SPEF2: variants seen among roughly 807,000 people sequenced by gnomAD.
SPEF2 encodes sperm flagellar and cilia associated 2.
A neutral mutation model predicts 224.6 loss-of-function variants in SPEF2; 187 were observed. The observed-to-expected ratio is 0.83, with a 90% CI of 0.74 to 0.94. The LOEUF is 0.94. Ranked by LOEUF, SPEF2 falls within the 40% of genes least tolerant of loss-of-function variation. The pLI is 0.00. For missense variants in SPEF2, 2,170 were observed against 2,135.6 expected (o/e 1.02, Z -0.32); for synonymous variants, 715 against 707.3 (o/e 1.01, Z -0.17).
At chr5:35,804,522 A>G (rs1409874602) in intron 34 of SPEF2, among the ~76,000 whole-genome samples, 2 of 152,084 alleles carry the variant, frequency 1.3e-5, no homozygotes, top group East Asian at 3.9e-4. Context: ...TCTCTGCAGG[A>G]CCATGCCAAC....
chr5:35,640,746 A>G (rs1324122957), intron 2 of SPEF2, among the ~76,000 whole-genome samples: 1 of 152,208 alleles, frequency 6.6e-6, no homozygotes, highest in African/African-American at 2.4e-5. Flanking sequence ...TATTTATGTT[A>G]AAAGAGTTAC....
chr5:35,773,838 T>G, intron 27 of SPEF2, 55 bp from the exon 28 acceptor site: 1 of 1,559,836 alleles, frequency 6.4e-7, no homozygotes, highest in East Asian at 2.3e-5. Flanking sequence ...CCAAGTACTA[T>G]GTGCACACCT....
chr5:35,710,097 A>T, intron 19 of SPEF2: 1 of 985,314 alleles, frequency 1.0e-6, no homozygotes, highest in Non-Finnish European at 1.2e-6. Flanking sequence ...ATTAGAAATT[A>T]ACTACAGGCA....
chr5:35,787,073 A>C (rs1755253924), intron 30 of SPEF2, among the ~76,000 whole-genome samples: 1 of 152,206 alleles, frequency 6.6e-6, no homozygotes, highest in East Asian at 1.9e-4. Context: ...AGAAACTGGT[A>C]TTTGAGGACT....
rs556348466 is a variant in SPEF2 at position 35,813,101 on chromosome 5, A to T, written c.5380-1363A>T. Among the ~76,000 whole-genome samples the T allele has an allele frequency of 4.3e-4, 66 of 152,342 alleles. 1 individual carries two copies. Among genetic ancestry groups the T allele is most frequent in the Middle Eastern group, 3.4e-3 (1 of 294 alleles). ...CCTTGCTATGGAGTGTCAGATAATC[A>T]CAAGTTAGCTTATTCCTTAATCCTC... is the stretch of plus-strand genomic sequence containing the variant. On this transcript the variant is annotated intron_variant, in intron 36 of 36. Transcript: ENST00000356031.
At chr5:35,686,629 G>A (rs1753667331) in intron 10 of SPEF2, among the ~76,000 whole-genome samples, 1 of 152,124 alleles carries the variant, frequency 6.6e-6, no homozygotes, top group Non-Finnish European at 1.5e-5. Flanking sequence ...CCTCTCAATA[G>A]TGGTGAATGA....
At chr5:35,792,522 A>T in intron 31 of SPEF2, 76 bp downstream of exon 31, 1 of 1,215,508 alleles carries the variant, frequency 8.2e-7, no homozygotes, top group Non-Finnish European at 1.2e-6. Flanking sequence ...TTCTAAAATA[A>T]TGAGTACTTG....
intron 26 of SPEF2, among the ~76,000 whole-genome samples, chr5:35,768,249 A>C (rs144779056): frequency 6.6e-5 from 10 of 152,224 alleles, no homozygotes; most frequent in Admixed American, 6.5e-4. Context: ...GACAATGATG[A>C]TCATAGCAGA....
intron 23 of SPEF2, among the ~76,000 whole-genome samples, chr5:35,746,420 T>G (rs1365374440): frequency 6.6e-6 from 1 of 151,904 alleles, no homozygotes; most frequent in African/African-American, 2.4e-5. Flanking sequence ...ATCCAAAAAA[T>G]GATACAAGGA....
intron 26 of SPEF2, among the ~76,000 whole-genome samples, chr5:35,766,034 A>G (rs1008321676): frequency 6.6e-6 from 1 of 152,090 alleles, no homozygotes; most frequent in Non-Finnish European, 1.5e-5. Context: ...TTTTGTTAAT[A>G]CTTTGTTTAG....
chr5:35,718,776 T>A (rs1363487737), intron 20 of SPEF2, among the ~76,000 whole-genome samples: 1 of 152,178 alleles, frequency 6.6e-6, no homozygotes. Context: ...AATCAGCCAC[T>A]CTCAGTTTTG....
intron 10 of SPEF2, among the ~76,000 whole-genome samples, chr5:35,676,989 TCAC>T (rs1301466941): frequency 6.6e-6 from 1 of 152,120 alleles, no homozygotes; most frequent in Non-Finnish European, 1.5e-5. Flanking sequence ...TTGATCAATG[TCAC>T]CTCTAAGCTT....
chr5:35,675,010 A>C (rs2149490051), intron 10 of SPEF2, among the ~76,000 whole-genome samples: 1 of 152,282 alleles, frequency 6.6e-6, no homozygotes, highest in Non-Finnish European at 1.5e-5. Context: ...CATTAATTCT[A>C]ATTATTCATT....
intron 20 of SPEF2, among the ~76,000 whole-genome samples, chr5:35,714,283 T>C (rs1742048599): frequency 1.3e-5 from 2 of 151,368 alleles, no homozygotes; most frequent in South Asian, 4.1e-4. Flanking sequence ...TTGCAAATAT[T>C]TTAGAGAACT....
At chr5:35,693,632 G>T (rs1256239316) in intron 12 of SPEF2, among the ~76,000 whole-genome samples, 1 of 152,098 alleles carries the variant, frequency 6.6e-6, no homozygotes, top group Non-Finnish European at 1.5e-5. Context: ...TGGTTTGCTT[G>T]GAGTCAGAAG....
intron 34 of SPEF2, among the ~76,000 whole-genome samples, chr5:35,805,995 A>G (rs1758001770): frequency 6.6e-6 from 1 of 152,216 alleles, no homozygotes; most frequent in Non-Finnish European, 1.5e-5. Context: ...CTGAATGAAC[A>G]GCCATATACA....
intron 10 of SPEF2, among the ~76,000 whole-genome samples, chr5:35,687,131 T>C (rs1753746166): frequency 6.6e-6 from 1 of 152,146 alleles, no homozygotes; most frequent in Non-Finnish European, 1.5e-5. Context: ...ATTCTTCTGG[T>C]GTCAATTTAT....
At chr5:35,630,977 A>G (rs1745025944) in intron 2 of SPEF2, among the ~76,000 whole-genome samples, 1 of 152,226 alleles carries the variant, frequency 6.6e-6, no homozygotes. Context: ...CTAACACATA[A>G]CTAATAAGGA....
intron 24 of SPEF2, among the ~76,000 whole-genome samples, chr5:35,754,504 C>T (rs1380512143): frequency 6.6e-6 from 1 of 152,190 alleles, no homozygotes; most frequent in Non-Finnish European, 1.5e-5. Context: ...TGAAGCAATG[C>T]ACCTAGTGAA....
Sources: gnomAD v4.1 joint callset for allele counts (sites outside exome capture counted in the v4.1 genomes callset) on GRCh38, gnomAD v4.1.1 for gene constraint, MANE v1.5 for transcripts, NCBI Gene and HGNC (gene_info 2026-07-23, HGNC 2026-07-21) for gene names.